Variants in C4orf50 observed in about 807,000 individuals in gnomAD.
C4orf50 encodes the protein chromosome 4 open reading frame 50.
A neutral mutation model predicts 77.2 loss-of-function variants in C4orf50; 80 were observed. The ratio of observed to expected loss-of-function variants is 1.04; its 90% CI spans 0.87 to 1.25. The LOEUF (loss-of-function observed/expected upper bound fraction) is 1.25, where lower values mean the gene tolerates loss of function less well. Ranked by LOEUF, C4orf50 falls within the 50% of genes most tolerant of loss-of-function variation. The probability of loss-of-function intolerance (pLI) is 0.00; values close to 1 mark genes in which losing one functional copy is unlikely to be tolerated. For synonymous variants in C4orf50, 532 were observed against 465.3 expected, an observed-to-expected ratio of 1.14 and a Z score of -1.84; for missense variants, 1,257 against 1,152.9, an observed-to-expected ratio of 1.09 and a Z score of -1.31.
chr4:5,915,944 C>T (rs1323725227), intron 7 of C4orf50, among the ~76,000 whole-genome samples: 1 of 152,216 alleles, frequency 6.6e-6, no homozygotes. Flanking sequence ...CCATAGATTT[C>T]ACTGAGATAG....
At chr4:5,911,414 C>T (rs980575611) in intron 7 of C4orf50, among the ~76,000 whole-genome samples, 1 of 152,214 alleles carries the variant, frequency 6.6e-6, no homozygotes, top group Non-Finnish European at 1.5e-5. Context: ...TACAATGAGA[C>T]TTGCTAGAAT....
chr4:5,901,712 CT>C lies in C4orf50; in HGVS notation c.*2475-3525del, dbSNP rs1334710675. The C allele has an allele frequency of 3.9e-5, 6 of 152,416 alleles. No individual in the cohort carries two copies. The highest frequency in any genetic ancestry group is 1.4e-4 in the African/African-American group (6 of 41,590). The allele number at this position is 152,416 out of a possible 1,614,324, so 9.4% of individuals were successfully genotyped here. A position where few individuals can be genotyped will look rare whatever the true frequency, so the allele number is the denominator to read the frequency against. On this transcript the variant is annotated intron_variant, in intron 7 of 7. Coordinates refer to the C4orf50 transcript ENST00000324058. This position sits in a 1 kb window ranked among gnomAD's most constrained non-coding sequence, Gnocchi z 4.4. ...GGATGGACTGTTCACCCCAGGAGTG[CT>C]CCATTGGCCTTGCCCAGGGACCCTG... is the stretch of plus-strand genomic sequence containing the variant.
Position 6,007,117 on chromosome 4 carries a change from C to G in C4orf50, c.963+879G>C, listed in dbSNP as rs1722279950. ...AAGAGTGAGTGGACAATAAGGGATA[C>G]AAGGTGGCTGGTTGGCTGCCTGACC... is the stretch of plus-strand genomic sequence containing the variant. On this transcript the variant is annotated intron_variant, in intron 25 of 33. Transcript: ENST00000531445. This position sits in a 1 kb window ranked among gnomAD's most constrained non-coding sequence, Gnocchi z 4.1. Among the ~76,000 whole-genome samples, 1 of 152,154 alleles carries G rather than the reference C, an allele frequency of 6.6e-6. No individual in the cohort carries two copies. The highest frequency in any genetic ancestry group is 2.4e-5 in the African/African-American group (1 of 41,442).
At chr4:5,955,302 G>A (rs1718907254), downstream of C4orf50, among the ~76,000 whole-genome samples, 1 of 152,056 alleles carries the variant, frequency 6.6e-6, no homozygotes. This position sits in a 1 kb window ranked among gnomAD's most constrained non-coding sequence, Gnocchi z 5.1. Flanking sequence ...TCACCGAGGC[G>A]GGGAGAGGTG....
intron 28 of C4orf50, among the ~76,000 whole-genome samples, chr4:5,982,048 G>T (rs552526054): frequency 1.3e-5 from 2 of 152,136 alleles, no homozygotes; most frequent in South Asian, 2.1e-4. Context: ...AATAGCAGAA[G>T]ATTTTTTTTT....
chr4:6,006,348 G>A (rs1722253112), intron 25 of C4orf50, among the ~76,000 whole-genome samples: 1 of 152,184 alleles, frequency 6.6e-6, no homozygotes, highest in Non-Finnish European at 1.5e-5. Context: ...ACAGCGGGGA[G>A]GCAGGCTGTA....
At chr4:5,990,097 C>A in exon 28 of C4orf50, 1 of 1,291,096 alleles carries the variant, frequency 7.7e-7, no homozygotes, top group Non-Finnish European at 9.8e-7. Context: ...CCAGACGTAT[C>A]CTTCCACCCT....
chr4:5,975,139 CAAAAAAAAAAAAAAAAAAAAA>C (rs763836859), intron 30 of C4orf50, among the ~76,000 whole-genome samples: 4 of 82,830 alleles, frequency 4.8e-5, no homozygotes, highest in South Asian at 4.3e-4. Context: ...CACTCCATCT[CAAAAAAAAAAAAAAAAAAAAA>C]AAAAAAAAAA....
At position 5,932,093 on chromosome 4, in the gene C4orf50, G is replaced by A. The variant is rs1181436199; in HGVS notation, c.*2474+24808C>T. 1.5e-5 allele frequency among the ~76,000 whole-genome samples: 2 copies of A among 131,298 alleles called. No individual in the cohort carries two copies. Among genetic ancestry groups the A allele is most frequent in the Non-Finnish European group, 3.0e-5 (2 of 65,684 alleles). The allele number at this position is 131,298 out of a possible 152,430, so 86.1% of individuals were successfully genotyped here. ...CAACTGTCTCTAATTTCCGTGCAAT[G>A]TTTGGCCTCTTGCCCCCCTCTCAGC... On this transcript the variant is annotated intron_variant, in intron 7 of 7. Transcript: ENST00000324058. This position sits in a 1 kb window ranked among gnomAD's most constrained non-coding sequence, Gnocchi z 4.2.
intron 28 of C4orf50, among the ~76,000 whole-genome samples, chr4:5,983,572 A>G (rs1249087606): frequency 6.6e-6 from 1 of 152,234 alleles, no homozygotes; most frequent in Non-Finnish European, 1.5e-5. Context: ...GGACAACTAT[A>G]GAATCTGGGG....
intron 26 of C4orf50, 111 bp downstream of exon 4, chr4:5,994,236 G>A: frequency 2.5e-6 from 1 of 397,094 alleles, no homozygotes; most frequent in Admixed American, 4.4e-5. Context: ...GTAGGGAGGG[G>A]GGACCACCCC....
At chr4:5,950,233 G>A (rs1467860159) in intron 7 of C4orf50, among the ~76,000 whole-genome samples, 1 of 152,126 alleles carries the variant, frequency 6.6e-6, no homozygotes, top group South Asian at 2.1e-4. Flanking sequence ...AAAACTGACA[G>A]GCCACTTAGA....
chr4:5,924,440 A>G (rs1216737169), intron 7 of C4orf50, among the ~76,000 whole-genome samples: 1 of 152,180 alleles, frequency 6.6e-6, no homozygotes, highest in Non-Finnish European at 1.5e-5. Context: ...CAGGCACAGC[A>G]CATTCCCAGC....
intron 28 of C4orf50, among the ~76,000 whole-genome samples, chr4:5,980,668 C>T (rs1027235101): frequency 1.3e-5 from 2 of 152,170 alleles, no homozygotes; most frequent in Non-Finnish European, 2.9e-5. Context: ...GAATAACAGC[C>T]TGGAATATTA....
In C4orf50 at chr4:5,957,185, T is replaced by C. The variant is rs138905647; in HGVS notation, c.*2190A>G. The C allele has an allele frequency of 1.4e-4, 21 of 152,294 alleles. No homozygotes were observed. In the East Asian group the frequency reaches 4.1e-3, roughly 29 times the overall value. 9.4% of individuals were successfully genotyped at this position (152,294 alleles called of 1,614,324 possible). On this transcript the variant is annotated 3_prime_UTR_variant, in exon 34 of 34. Coordinates refer to ENST00000531445, the Ensembl canonical transcript of C4orf50. Reference sequence around the variant, plus strand: ...GGTCGTCTTGGCTTGCTTTAATGGATTTCCTGGGTTGCCTTTCTGCCCAGG... The same window carrying C: ...GGTCGTCTTGGCTTGCTTTAATGGACTTCCTGGGTTGCCTTTCTGCCCAGG...
intron 28 of C4orf50, among the ~76,000 whole-genome samples, chr4:5,982,159 A>C (rs1374884604): frequency 2.0e-5 from 3 of 152,176 alleles, no homozygotes; most frequent in Non-Finnish European, 4.4e-5. Context: ...TTCAGCTTCA[A>C]GACGTCAAAA....
rs549971801 is a variant in C4orf50, at chr4:5,994,436, G to T, written c.1004C>A (p.Pro335His). ...GCAGGGGTCCAGGGCCTCCTCCCTG[G>T]GCAGGGGCAGTGAGTCACCCTGAAC... The change falls in exon 26 of 34, where the codon CCC (proline) becomes CAC (histidine). Residue 335 changes from proline to histidine, a missense_variant. Physicochemically the swap from Pro to His is moderately conservative, Grantham distance 77. Transcript: ENST00000531445. 5 of 399,194 alleles carry T rather than the reference G, an allele frequency of 1.3e-5. No individual in the cohort carries two copies. In the East Asian group the frequency reaches 1.8e-4, roughly 14 times the overall value. The allele number at this position is 399,194 out of a possible 1,614,324, so 24.7% of individuals were successfully genotyped here. A position where few individuals can be genotyped will look rare whatever the true frequency, so the allele number is the denominator to read the frequency against.
rs541196480 is a variant in C4orf50, at chr4:5,908,030, T to C, written c.*2475-9842A>G. ...ACTTTTTAACAAAAAGAGCTGACCA[T>C]TCACTGATTCATTCATTCATTCATT... On this transcript the variant is annotated intron_variant, in intron 7 of 7. Coordinates refer to the C4orf50 transcript ENST00000324058. The surrounding 1 kb of genome is among the most constrained non-coding windows in gnomAD (Gnocchi z 5.6). 1.2e-4 allele frequency among the ~76,000 whole-genome samples: 17 copies of C among 141,982 alleles called. No individual in the cohort carries two copies. The highest frequency in any genetic ancestry group is 3.6e-4 in the African/African-American group (15 of 41,152). The allele number at this position is 141,982 out of a possible 152,430, so 93.1% of individuals were successfully genotyped here. A position where few individuals can be genotyped will look rare whatever the true frequency, so the allele number is the denominator to read the frequency against.
At position 5,958,198 on chromosome 4, in the gene C4orf50, C is replaced by T. The variant is rs17762652; in HGVS notation, c.*1177G>A. The T allele has an allele frequency of 0.039, 5,943 of 151,972 alleles. 169 individuals are homozygous for T. Among genetic ancestry groups the T allele is most frequent in the Non-Finnish European group, 0.059 (4,016 of 68,002 alleles). 9.4% of individuals were successfully genotyped at this position (151,972 alleles called of 1,614,324 possible). A position where few individuals can be genotyped will look rare whatever the true frequency, so the allele number is the denominator to read the frequency against. On this transcript the variant is annotated 3_prime_UTR_variant, in exon 34 of 34. Transcript: ENST00000531445. The surrounding 1 kb of genome is among the most constrained non-coding windows in gnomAD (Gnocchi z 5.4). ...AGGGTCTGGTGTGTGTCGTCCAAGC[C>T]CCCTAGACTCTCTTTTTGGGGGGCT...
Sources: allele counts gnomAD v4.1 joint callset (sites outside exome capture counted in the v4.1 genomes callset), GRCh38; gene constraint gnomAD v4.1.1; non-coding constraint Gnocchi (gnomAD v3.1); transcripts MANE v1.5; gene names NCBI Gene and HGNC (gene_info 2026-07-23, HGNC 2026-07-21).